The following NALCN variants were observed in gnomAD, a reference collection of about 807,000 sequenced individuals.
NALCN encodes sodium leak channel, non-selective.
NALCN carries 111 observed loss-of-function variants against 225.3 expected under a neutral mutation model. The observed-to-expected ratio is 0.49, with a 90% CI of 0.42 to 0.58. The LOEUF is 0.58. Ranked by LOEUF, NALCN falls within the 20% of genes least tolerant of loss-of-function variation. The pLI, the probability that NALCN is intolerant of heterozygous loss-of-function variation, is 0.00. For missense variants in NALCN, 1,378 were observed against 2,202.4 expected (o/e 0.63, Z 7.49); for synonymous variants, 764 against 769.0 (o/e 0.99, Z 0.11).
intron 13 of NALCN, among the ~76,000 whole-genome samples, chr13:101,227,615 G>T (rs147070979): frequency 2.0e-5 from 3 of 152,112 alleles, no homozygotes; most frequent in Non-Finnish European, 2.9e-5. Flanking sequence ...AGCAGGTCTT[G>T]TTCTCCTGAC....
chr13:101,056,453 G>C (rs1184022232), intron 43 of NALCN, among the ~76,000 whole-genome samples: 2 of 151,690 alleles, frequency 1.3e-5, no homozygotes, highest in Non-Finnish European at 2.9e-5. Flanking sequence ...GTAGAGACAG[G>C]GTTTCACCAT....
chr13:101,355,051 G>A (rs977931309), intron 6 of NALCN, among the ~76,000 whole-genome samples: 7 of 151,802 alleles, frequency 4.6e-5, no homozygotes, highest in Admixed American at 1.3e-4. Context: ...TACAAGTGTA[G>A]GGCACCTCCC....
chr13:101,110,729 A>C, intron 19 of NALCN, 41 bp from the exon 20 acceptor site: 3 of 1,601,332 alleles, frequency 1.9e-6, no homozygotes, highest in Non-Finnish European at 2.6e-6. Context: ...TCTCAAGATC[A>C]AACTGGCCTT....
chr13:101,375,200 A>G (rs1341464822), intron 6 of NALCN, among the ~76,000 whole-genome samples: 1 of 152,130 alleles, frequency 6.6e-6, no homozygotes, highest in African/African-American at 2.4e-5. Context: ...CTTTATGACA[A>G]CAAAATAATG....
intron 14 of NALCN, among the ~76,000 whole-genome samples, chr13:101,177,297 T>G (rs946785038): frequency 6.6e-6 from 1 of 151,982 alleles, no homozygotes; most frequent in East Asian, 1.9e-4. Context: ...ATAATAAACA[T>G]CTATTTCCTG....
chr13:101,394,356 C>T (rs1029200567), intron 3 of NALCN, among the ~76,000 whole-genome samples: 7 of 152,062 alleles, frequency 4.6e-5, no homozygotes, highest in African/African-American at 1.7e-4. Context: ...AATCCTTGTA[C>T]AAAATAAAAC....
chr13:101,203,612 T>C (rs1200785215), intron 13 of NALCN, among the ~76,000 whole-genome samples: 1 of 152,226 alleles, frequency 6.6e-6, no homozygotes, highest in Non-Finnish European at 1.5e-5. Flanking sequence ...GGATAAACTA[T>C]TTTTTAAGGA....
chr13:101,158,175 A>T (rs1239476527), intron 15 of NALCN, among the ~76,000 whole-genome samples: 2 of 152,218 alleles, frequency 1.3e-5, no homozygotes, highest in Non-Finnish European at 2.9e-5. Context: ...TTTGGTTTGG[A>T]TCTACACCCA....
Position 101,229,573 on chromosome 13 carries a change from T to A in NALCN, c.1446A>T (p.Val482=). ...CAGGTGAAATCTTAATCAGCCGAAC[T>A]ACTCGGAGAACCTATCAAGGGAGAG... ...SQFTYFQVLR[V]VRLIKISPAL... Residue 482 remains valine, a synonymous_variant, in exon 13 of 44, where the codon GTA becomes GTT. Transcript: ENST00000251127. The A allele has an allele frequency of 1.9e-6, 3 of 1,589,560 alleles. No individual in the cohort carries two copies. Among genetic ancestry groups the A allele is most frequent in the Non-Finnish European group, 2.6e-6 (3 of 1,169,328 alleles).
intron 28 of NALCN, 105 bp downstream of exon 28, chr13:101,095,469 A>G (rs992610007): frequency 1.2e-6 from 1 of 850,866 alleles, no homozygotes; most frequent in African/African-American, 1.7e-5. Flanking sequence ...TCATTTTAAC[A>G]TCTCTAGCAA....
At chr13:101,207,266 T>G (rs942101715) in intron 13 of NALCN, among the ~76,000 whole-genome samples, 1 of 152,236 alleles carries the variant, frequency 6.6e-6, no homozygotes, top group Non-Finnish European at 1.5e-5. Flanking sequence ...GTGTGCATTG[T>G]TGATAACAAA....
chr13:101,136,528 C>T (rs150897620), intron 17 of NALCN, among the ~76,000 whole-genome samples: 1,547 of 148,954 alleles, frequency 0.01, 26 homozygotes, highest in African/African-American at 0.037. Flanking sequence ...TTGTTCAGTT[C>T]CCACCTATGA....
At position 101,288,619 on chromosome 13, in the gene NALCN, A is replaced by C. The variant is rs183640433; in HGVS notation, c.1047+3371T>G. 3.0e-3 allele frequency among the ~76,000 whole-genome samples: 462 copies of C among 152,364 alleles called. 3 individuals are homozygous for C. Among genetic ancestry groups the C allele is most frequent in the African/African-American group, 0.011 (439 of 41,590 alleles). On this transcript the variant is annotated intron_variant, in intron 9 of 43. Coordinates refer to ENST00000251127, the MANE Select transcript of NALCN (RefSeq NM_052867.4). ...TCTGTTAATTAGGGGATATTAATTC[A>C]GAAAACACATGTCAGCAAGAGTGCT...
intron 7 of NALCN, among the ~76,000 whole-genome samples, chr13:101,323,284 T>C (rs191354747): frequency 5.6e-4 from 85 of 152,312 alleles, no homozygotes; most frequent in African/African-American, 1.8e-3. Flanking sequence ...AAATAACTCA[T>C]AATTACAGAC....
chr13:101,154,288 C>G (rs536147234), intron 15 of NALCN, among the ~76,000 whole-genome samples: 1 of 152,250 alleles, frequency 6.6e-6, no homozygotes, highest in Non-Finnish European at 1.5e-5. Context: ...TTTCCTGATT[C>G]CAGAGCTTGA....
chr13:101,345,207 T>C, intron 7 of NALCN, 59 bp downstream of exon 7: 1 of 1,522,416 alleles, frequency 6.6e-7, no homozygotes, highest in Non-Finnish European at 9.0e-7. Context: ...AATTATTCTG[T>C]CCACTTCATA....
chr13:101,088,330 C>A (rs755369432), intron 30 of NALCN, among the ~76,000 whole-genome samples: 1 of 152,142 alleles, frequency 6.6e-6, no homozygotes, highest in Non-Finnish European at 1.5e-5. Context: ...TGTGTAGCAA[C>A]ACAAACTGAA....
chr13:101,095,849 G>A (rs912878478), intron 27 of NALCN, among the ~76,000 whole-genome samples, 169 bp from the exon 28 acceptor site: 4 of 152,142 alleles, frequency 2.6e-5, no homozygotes, highest in Admixed American at 2.6e-4. Context: ...TTGGAGACAG[G>A]CAGTTAAAAA....
intron 28 of NALCN, among the ~76,000 whole-genome samples, chr13:101,091,375 T>C (rs1033444342): frequency 3.9e-5 from 6 of 152,152 alleles, no homozygotes; most frequent in African/African-American, 1.4e-4. Context: ...ATCTTTTATG[T>C]TTTTTAAACT....
Sources: allele counts gnomAD v4.1 joint callset (sites outside exome capture counted in the v4.1 genomes callset), GRCh38; gene constraint gnomAD v4.1.1; transcripts MANE v1.5; gene names NCBI Gene and HGNC (gene_info 2026-07-23, HGNC 2026-07-21).